The following EYS variants were observed in gnomAD, a reference collection of about 807,000 sequenced individuals.
EYS encodes the protein protein eyes shut homolog.
Under a neutral mutation model 282.1 loss-of-function variants are expected in EYS, and 250 were observed. The ratio of observed to expected loss-of-function variants is 0.89; its 90% confidence interval spans 0.80 to 0.98. The LOEUF (loss-of-function observed/expected upper bound fraction) is 0.98, where lower values mean the gene tolerates loss of function less well. Among genes scored for constraint, EYS ranks in the 50% least tolerant of loss-of-function variants. The pLI is 0.00. For synonymous variants in EYS, 1,355 were observed against 1,282.9 expected (o/e 1.06, Z -1.20); for missense variants, 4,016 against 3,709.0 (o/e 1.08, Z -2.15).
At chr6:64,555,161 A>G (rs1055344971) in intron 26 of EYS, among the ~76,000 whole-genome samples, 2 of 151,936 alleles carry the variant, frequency 1.3e-5, no homozygotes, top group African/African-American at 2.4e-5. Context: ...TCATATAAAT[A>G]TGTATATCTA....
chr6:65,300,002 C>T (rs1280980426), intron 11 of EYS, among the ~76,000 whole-genome samples: 1 of 152,102 alleles, frequency 6.6e-6, no homozygotes, highest in Non-Finnish European at 1.5e-5. Flanking sequence ...TTAGTGATAT[C>T]ATTTGTAGCT....
intron 10 of EYS, among the ~76,000 whole-genome samples, chr6:65,336,473 T>C (rs969946920): frequency 6.6e-6 from 1 of 151,694 alleles, no homozygotes; most frequent in African/African-American, 2.4e-5. Context: ...ATGTATTGAA[T>C]ATATGTACAT....
intron 8 of EYS, among the ~76,000 whole-genome samples, chr6:65,369,313 ATAT>A (rs1314355951): frequency 0.1 from 6,007 of 57,808 alleles, 205 homozygotes; most frequent in South Asian, 0.22. Context: ...TATAATATAT[ATAT>A]TATATATATA....
rs1472636425 is a variant in EYS at position 63,942,965 on chromosome 6, GTTTTC to G, written c.7055+41413_7055+41417del. On this transcript the variant is annotated intron_variant, in intron 35 of 42. Coordinates refer to ENST00000503581, the MANE Select transcript of EYS (RefSeq NM_001142800.2). ...ATTTTCTTATGATTTTCTTACTAGT[GTTTTC>G]TTTTCTCTAGCTTTATTGTAAGAAT... 6.6e-5 allele frequency among the ~76,000 whole-genome samples: 10 copies of G among 152,196 alleles called. No individual in the cohort carries two copies. In the East Asian group the frequency reaches 1.4e-3, roughly 21 times the overall value.
At chr6:65,468,225 A>T (rs1452395900) in intron 5 of EYS, among the ~76,000 whole-genome samples, 1 of 152,180 alleles carries the variant, frequency 6.6e-6, no homozygotes, top group Non-Finnish European at 1.5e-5. Flanking sequence ...TCCTAATCAG[A>T]GCCGAAGCTA....
In EYS at chr6:64,658,896, C is replaced by T. The variant is rs149034840; in HGVS notation, c.3444-32651G>A. ...CTCTGCACCAAGTGGACCTAATAGA[C>T]ATCTTCAGAACTCTCCACCCCAAAT... On this transcript the variant is annotated intron_variant, in intron 22 of 42. Transcript: ENST00000503581. 8.6e-4 allele frequency among the ~76,000 whole-genome samples: 131 copies of T among 152,334 alleles called. 1 individual carries two copies. In the East Asian group the frequency reaches 0.02, roughly 23 times the overall value.
At chr6:65,175,884 T>C (rs760265154) in intron 12 of EYS, among the ~76,000 whole-genome samples, 1 of 151,568 alleles carries the variant, frequency 6.6e-6, no homozygotes, top group African/African-American at 2.4e-5. Context: ...CTTAGTTAGT[T>C]GTGCTTGTTA....
At chr6:65,297,542 C>T (rs1768700261) in intron 11 of EYS, among the ~76,000 whole-genome samples, 1 of 151,964 alleles carries the variant, frequency 6.6e-6, no homozygotes, top group South Asian at 2.1e-4. Flanking sequence ...GTGTTCAAAT[C>T]ACTGGTCTTG....
intron 22 of EYS, among the ~76,000 whole-genome samples, chr6:64,726,292 C>T (rs114474882): frequency 6.6e-6 from 1 of 152,054 alleles, no homozygotes; most frequent in Non-Finnish European, 1.5e-5. Flanking sequence ...AATTTACATG[C>T]CTGCATGTAA....
At chr6:64,923,962 G>C (rs1270495511) in intron 15 of EYS, among the ~76,000 whole-genome samples, 2 of 152,130 alleles carry the variant, frequency 1.3e-5, no homozygotes, top group Non-Finnish European at 2.9e-5. Context: ...TACCATTCTG[G>C]GGTCTGGAGG....
intron 19 of EYS, among the ~76,000 whole-genome samples, chr6:64,832,072 T>TTTA (rs1328486484): frequency 5.3e-5 from 8 of 151,792 alleles, no homozygotes; most frequent in Non-Finnish European, 1.0e-4. Context: ...GAAGTAACAG[T>TTTA]TTATAGATGA....
At chr6:65,476,662 C>T (rs1242953969) in intron 5 of EYS, among the ~76,000 whole-genome samples, 2 of 152,164 alleles carry the variant, frequency 1.3e-5, no homozygotes, top group East Asian at 3.9e-4. Flanking sequence ...CTGCAACCTC[C>T]ACCTCCCAGG....
intron 26 of EYS, among the ~76,000 whole-genome samples, chr6:64,468,654 C>T (rs1173963065): frequency 6.6e-6 from 1 of 152,108 alleles, no homozygotes; most frequent in Admixed American, 6.5e-5. Flanking sequence ...CACCCTCCTC[C>T]CACCCTCCAC....
At chr6:64,545,322 C>A (rs144846840) in intron 26 of EYS, among the ~76,000 whole-genome samples, 6 of 152,062 alleles carry the variant, frequency 3.9e-5, no homozygotes, top group Non-Finnish European at 8.8e-5. Flanking sequence ...ATTCAACGAC[C>A]CTTCATGCTA....
intron 26 of EYS, among the ~76,000 whole-genome samples, chr6:64,545,777 T>C (rs552121604): frequency 9.5e-4 from 145 of 152,176 alleles, no homozygotes; most frequent in Non-Finnish European, 1.2e-3. Flanking sequence ...CACAATTGTT[T>C]CAAAGAGAAT....
At chr6:63,887,187 C>T (rs537057984) in intron 35 of EYS, among the ~76,000 whole-genome samples, 1 of 152,122 alleles carries the variant, frequency 6.6e-6, no homozygotes, top group African/African-American at 2.4e-5. Context: ...CACTACTTTT[C>T]TCCAGGGACA....
chr6:64,805,363 C>T lies in EYS; in HGVS notation c.3443+8015G>A, dbSNP rs531205150. Among the ~76,000 whole-genome samples the T allele has an allele frequency of 2.0e-5, 3 of 151,884 alleles. No individual in the cohort carries two copies. The East Asian group carries it at 5.8e-4, about 29-fold the overall frequency. On this transcript the variant is annotated intron_variant, in intron 22 of 42. Transcript: ENST00000503581. ...GAATGCATAGGCTTTTTCTGTTACT[C>T]GTTTAAATTTTTGATTGAACATGTG...
intron 33 of EYS, among the ~76,000 whole-genome samples, chr6:64,014,779 ATT>A (rs57255670): frequency 0.43 from 61,388 of 144,252 alleles, 13,321 homozygotes; most frequent in African/African-American, 0.58. Flanking sequence ...GTCTTTTTTT[ATT>A]TTTTTTTTTT....
At chr6:64,266,639 C>A (rs1043480764) in intron 30 of EYS, among the ~76,000 whole-genome samples, 1 of 152,084 alleles carries the variant, frequency 6.6e-6, no homozygotes, top group African/African-American at 2.4e-5. Flanking sequence ...CACAGTGACA[C>A]TTCACTTTCA....
Sources: allele counts gnomAD v4.1 joint callset (sites outside exome capture counted in the v4.1 genomes callset), GRCh38; gene constraint gnomAD v4.1.1; transcripts MANE v1.5; gene names NCBI Gene and HGNC (gene_info 2026-07-23, HGNC 2026-07-21).